Variants in CADM2 observed in about 807,000 individuals in gnomAD.
CADM2 encodes the protein cell adhesion molecule 2.
Under a neutral mutation model 49.8 loss-of-function variants are expected in CADM2, and 12 were observed. That is an observed-to-expected ratio of 0.24 (90% CI 0.15 to 0.39). The LOEUF is 0.39. Ranked by LOEUF, CADM2 falls within the 10% of genes least tolerant of loss-of-function variation. CADM2 has a pLI of 1.00. For synonymous variants in CADM2, 214 were observed against 175.4 expected, an observed-to-expected ratio of 1.22 and a Z score of -1.74; for missense variants, 378 against 492.3, an observed-to-expected ratio of 0.77 and a Z score of 2.20.
At chr3:85,960,055 G>A (rs1724624754) in intron 7 of CADM2, among the ~76,000 whole-genome samples, 1 of 151,880 alleles carries the variant, frequency 6.6e-6, no homozygotes, top group Non-Finnish European at 1.5e-5. Flanking sequence ...CACTATGTTA[G>A]GAGCTGGGGG....
chr3:85,919,821 T>C (rs1172767992), intron 6 of CADM2, among the ~76,000 whole-genome samples: 1 of 151,956 alleles, frequency 6.6e-6, no homozygotes, highest in Non-Finnish European at 1.5e-5. Context: ...GTTCTCTGTT[T>C]AGTTGCAAAA....
intron 8 of CADM2, among the ~76,000 whole-genome samples, chr3:85,999,621 AAG>A (rs1392238496): frequency 6.6e-6 from 1 of 151,352 alleles, no homozygotes; most frequent in Non-Finnish European, 1.5e-5. Context: ...GAGAAAGAGA[AAG>A]AAAGAAGGAG....
intron 1 of CADM2, among the ~76,000 whole-genome samples, chr3:85,540,698 G>GC (rs759931553): frequency 6.6e-6 from 1 of 152,072 alleles, no homozygotes; most frequent in Non-Finnish European, 1.5e-5. Flanking sequence ...GCATTTTATT[G>GC]CAATAGAAAC....
chr3:85,690,568 A>G (rs1212684997), intron 1 of CADM2, among the ~76,000 whole-genome samples: 1 of 152,142 alleles, frequency 6.6e-6, no homozygotes, highest in Admixed American at 6.6e-5. Flanking sequence ...GCAGAAATCA[A>G]TGTCACAATA....
At chr3:85,049,076 G>T (rs953610066) in intron 1 of CADM2, among the ~76,000 whole-genome samples, 2 of 152,048 alleles carry the variant, frequency 1.3e-5, no homozygotes, top group African/African-American at 4.8e-5. Flanking sequence ...AAAAGGCAGT[G>T]GTTAATTGTA....
intron 1 of CADM2, among the ~76,000 whole-genome samples, chr3:85,275,057 G>C (rs1390731517): frequency 6.6e-6 from 1 of 151,424 alleles, no homozygotes; most frequent in African/African-American, 2.4e-5. Flanking sequence ...CAGAAGATGT[G>C]GCTGAAGAGG....
chr3:84,967,764 T>C (rs1357107321), intron 1 of CADM2, among the ~76,000 whole-genome samples: 1 of 152,018 alleles, frequency 6.6e-6, no homozygotes, highest in Non-Finnish European at 1.5e-5. Context: ...GTTTTTCCTT[T>C]CAACCCCCAA....
At chr3:85,811,579 T>C (rs554559408) in intron 3 of CADM2, among the ~76,000 whole-genome samples, 4 of 152,316 alleles carry the variant, frequency 2.6e-5, no homozygotes, top group South Asian at 4.1e-4. Context: ...TTGGGTTCCA[T>C]TATCTTTTAA....
chr3:85,820,401 G>T (rs2073479644), intron 3 of CADM2, among the ~76,000 whole-genome samples: 1 of 152,120 alleles, frequency 6.6e-6, no homozygotes, highest in South Asian at 2.1e-4. Context: ...GAGAGCTATT[G>T]CATTAATCCA....
intron 1 of CADM2, among the ~76,000 whole-genome samples, chr3:85,441,216 ATAT>A (rs1291763643): frequency 1.3e-5 from 2 of 152,024 alleles, no homozygotes; most frequent in Non-Finnish European, 2.9e-5. Context: ...TCAGTTTTTA[ATAT>A]TATGTTATTG....
In CADM2 at chr3:85,707,327, T is replaced by G. The variant is rs185920364; in HGVS notation, c.62-19195T>G. ...TTCTTAGCTTTCATAAATTCCTTTT[T>G]GTAGATTACCACTATTTTCTAGGAC... On this transcript the variant is annotated intron_variant, in intron 1 of 9. Coordinates refer to ENST00000383699, the MANE Select transcript of CADM2 (RefSeq NM_001167675.2). Among the ~76,000 whole-genome samples the G allele has an allele frequency of 1.8e-3, 272 of 151,968 alleles. 4 individuals carry two copies. The East Asian group carries it at 0.039, about 22-fold the overall frequency.
chr3:85,916,218 C>T (rs528674509), intron 6 of CADM2, among the ~76,000 whole-genome samples: 81 of 152,026 alleles, frequency 5.3e-4, no homozygotes, highest in Non-Finnish European at 9.6e-4. Flanking sequence ...ATGTGCACAA[C>T]GTGCAGGTTA....
chr3:86,053,585 T>A (rs893847723), intron 8 of CADM2, among the ~76,000 whole-genome samples: 2 of 152,104 alleles, frequency 1.3e-5, no homozygotes, highest in Non-Finnish European at 2.9e-5. Flanking sequence ...CAGGCATCCA[T>A]AAGCCAAACA....
At chr3:85,256,492 C>T (rs545355011) in intron 1 of CADM2, among the ~76,000 whole-genome samples, 3 of 152,158 alleles carry the variant, frequency 2.0e-5, no homozygotes, top group South Asian at 4.2e-4. Context: ...GGCCAAAGGG[C>T]GAAGCTAAAC....
rs768814506 is a variant in CADM2 at position 86,067,560 on chromosome 3, A to G, written c.*777A>G. The G allele has an allele frequency of 2.6e-5, 4 of 152,498 alleles. No individual in the cohort carries two copies. Among genetic ancestry groups the G allele is most frequent in the Non-Finnish European group, 5.9e-5 (4 of 67,952 alleles). 9.4% of individuals were successfully genotyped at this position (152,498 alleles called of 1,614,324 possible). On this transcript the variant is annotated 3_prime_UTR_variant, in exon 10 of 10. Coordinates refer to ENST00000383699, the MANE Select transcript of CADM2 (RefSeq NM_001167675.2). ...TCACAAATATTTAATTCATTTCTCT[A>G]ATTTGATTCTATAATTTATTTGCTT...
At chr3:85,918,006 A>G (rs558753325) in intron 6 of CADM2, among the ~76,000 whole-genome samples, 13 of 152,138 alleles carry the variant, frequency 8.5e-5, no homozygotes, top group Non-Finnish European at 1.6e-4. Flanking sequence ...ATTTTTGCAC[A>G]TTGATTTTGT....
intron 1 of CADM2, among the ~76,000 whole-genome samples, chr3:85,691,028 T>A (rs2066369116): frequency 6.6e-6 from 1 of 152,296 alleles, no homozygotes. Flanking sequence ...TCCTTCTATC[T>A]AATTGTAACT....
At chr3:85,163,293 G>A (rs188797502) in intron 1 of CADM2, among the ~76,000 whole-genome samples, 8 of 152,088 alleles carry the variant, frequency 5.3e-5, no homozygotes, top group Non-Finnish European at 1.0e-4. Flanking sequence ...GGTATTTGCC[G>A]GATAATGTTT....
intron 1 of CADM2, among the ~76,000 whole-genome samples, chr3:85,397,994 C>A (rs931658030): frequency 3.3e-5 from 5 of 151,950 alleles, no homozygotes; most frequent in South Asian, 2.1e-4. Context: ...CATCCAGAAG[C>A]CTTTTTCTTT....
Sources: allele counts gnomAD v4.1 joint callset (sites outside exome capture counted in the v4.1 genomes callset), GRCh38; gene constraint gnomAD v4.1.1; transcripts MANE v1.5; gene names NCBI Gene and HGNC (gene_info 2026-07-23, HGNC 2026-07-21).